The following CDH18 variants were observed in gnomAD, a reference collection of about 807,000 sequenced individuals.
CDH18 encodes cadherin 18.
CDH18 carries 31 observed loss-of-function variants against 67.9 expected under a neutral mutation model. The ratio of observed to expected loss-of-function variants is 0.46; its 90% CI spans 0.34 to 0.62. The LOEUF (loss-of-function observed/expected upper bound fraction) is 0.62, where lower values mean the gene tolerates loss of function less well. CDH18 is among the 20% of genes least tolerant of loss of function. The pLI is 0.01. For missense variants in CDH18, 890 were observed against 975.5 expected, an observed-to-expected ratio of 0.91 and a Z score of 1.17; for synonymous variants, 362 against 347.2, an observed-to-expected ratio of 1.04 and a Z score of -0.48.
At chr5:19,914,583 T>C (rs2150147447) in intron 2 of CDH18, among the ~76,000 whole-genome samples, 1 of 152,248 alleles carries the variant, frequency 6.6e-6, no homozygotes. Flanking sequence ...TGAGTGTATA[T>C]GTATATATCC....
chr5:19,885,005 T>A (rs1788049769), intron 2 of CDH18, among the ~76,000 whole-genome samples: 1 of 152,216 alleles, frequency 6.6e-6, no homozygotes, highest in South Asian at 2.1e-4. Flanking sequence ...GTTTGAGATG[T>A]TACGGCAGTT....
intron 6 of CDH18, among the ~76,000 whole-genome samples, chr5:19,598,977 G>A (rs961448458): frequency 6.6e-6 from 1 of 151,982 alleles, no homozygotes; most frequent in East Asian, 1.9e-4. Flanking sequence ...ATGAAAAATT[G>A]GAATAGACAA....
At chr5:19,953,174 A>G (rs1236497801) in intron 2 of CDH18, among the ~76,000 whole-genome samples, 11 of 152,114 alleles carry the variant, frequency 7.2e-5, no homozygotes, top group Admixed American at 7.2e-4. Context: ...ACTAGATCCT[A>G]AAGTCTAGAA....
At chr5:19,624,012 T>TATTATTATA (rs1751112113) in intron 5 of CDH18, among the ~76,000 whole-genome samples, 1 of 148,166 alleles carries the variant, frequency 6.7e-6, no homozygotes, top group Admixed American at 6.8e-5. Context: ...TTATTATTAT[T>TATTATTATA]ATTATTATTA....
At chr5:20,364,256 C>A (rs1407292114) in intron 1 of CDH18, among the ~76,000 whole-genome samples, 1 of 150,948 alleles carries the variant, frequency 6.6e-6, no homozygotes, top group East Asian at 1.9e-4. Context: ...TGTACAAGTA[C>A]ACACACAGAG....
intron 3 of CDH18, among the ~76,000 whole-genome samples, chr5:19,826,273 G>A (rs749409733): frequency 6.6e-6 from 1 of 152,090 alleles, no homozygotes; most frequent in African/African-American, 2.4e-5. Flanking sequence ...CTGAAAGAGA[G>A]GAAGAGAAAT....
intron 2 of CDH18, among the ~76,000 whole-genome samples, chr5:19,923,894 T>C (rs1340664027): frequency 6.6e-6 from 1 of 152,220 alleles, no homozygotes; most frequent in African/African-American, 2.4e-5. Flanking sequence ...TGTTCACCTC[T>C]TGTGGAAAAG....
chr5:20,157,746 G>T (rs1450548256), intron 2 of CDH18, among the ~76,000 whole-genome samples: 10 of 151,296 alleles, frequency 6.6e-5, no homozygotes, highest in Non-Finnish European at 1.3e-4. Flanking sequence ...GGATTCAAGT[G>T]ATTCTCCTGC....
At chr5:20,319,251 C>T (rs1321057479) in intron 1 of CDH18, among the ~76,000 whole-genome samples, 1 of 152,200 alleles carries the variant, frequency 6.6e-6, no homozygotes. Context: ...GAAGCTCTCC[C>T]TGTTTTACCA....
intron 1 of CDH18, chr5:20,255,647 A>C (rs1191884219): frequency 2.0e-5 from 3 of 152,134 alleles, no homozygotes; most frequent in Non-Finnish European, 4.4e-5. Flanking sequence ...AATTTTTGAG[A>C]AGTTTGAACT....
intron 1 of CDH18, among the ~76,000 whole-genome samples, chr5:19,983,512 G>A (rs551236304): frequency 6.6e-5 from 10 of 152,258 alleles, no homozygotes; most frequent in East Asian, 5.8e-4. Context: ...ATTGAAGGAC[G>A]TTGATTAAAG....
chr5:20,033,269 CTT>C (rs1404424987), intron 2 of CDH18, among the ~76,000 whole-genome samples: 2 of 151,840 alleles, frequency 1.3e-5, no homozygotes, highest in Non-Finnish European at 2.9e-5. Context: ...TCTATAACCT[CTT>C]TTTCATCTCA....
chr5:20,400,543 T>C (rs1223541216), intron 1 of CDH18, among the ~76,000 whole-genome samples: 1 of 151,292 alleles, frequency 6.6e-6, no homozygotes, highest in African/African-American at 2.4e-5. Context: ...GGTGGATCAC[T>C]TGAGGCCGGG....
intron 2 of CDH18, among the ~76,000 whole-genome samples, chr5:20,203,231 G>A (rs966448143): frequency 8.5e-5 from 13 of 152,066 alleles, no homozygotes; most frequent in Non-Finnish European, 1.6e-4. Flanking sequence ...GTTTCAATTC[G>A]TGGGAAGCAT....
Position 19,564,802 on chromosome 5 carries a change from A to C in CDH18, c.1253+6777T>G, listed in dbSNP as rs919694923. ...CGTTGGCTCAGAGGAGAGAAGTTCT[A>C]AACCTGCCCTGGGCTAGAGTGGAGC... On this transcript the variant is annotated intron_variant, in intron 8 of 12. Coordinates refer to ENST00000382275, the MANE Select transcript of CDH18 (RefSeq NM_004934.5). Among the ~76,000 whole-genome samples, 11 of 152,126 alleles carry C rather than the reference A, an allele frequency of 7.2e-5. No homozygotes were observed. In the East Asian group the frequency reaches 2.1e-3, roughly 29 times the overall value.
intron 3 of CDH18, among the ~76,000 whole-genome samples, chr5:19,749,773 G>C (rs1274196758): frequency 4.0e-5 from 6 of 150,970 alleles, no homozygotes; most frequent in Non-Finnish European, 5.9e-5. Flanking sequence ...TTTAAGACTT[G>C]AATCTGACTC....
chr5:20,329,080 G>C (rs752473623), intron 1 of CDH18, among the ~76,000 whole-genome samples: 1 of 152,148 alleles, frequency 6.6e-6, no homozygotes, highest in Non-Finnish European at 1.5e-5. Flanking sequence ...TTACAAGCAT[G>C]AACTGTTTTA....
At chr5:19,659,766 T>C (rs1756909146) in intron 5 of CDH18, among the ~76,000 whole-genome samples, 1 of 152,092 alleles carries the variant, frequency 6.6e-6, no homozygotes, top group African/African-American at 2.4e-5. Flanking sequence ...GGAAGCAGAG[T>C]ACTTGAGCAC....
chr5:19,593,954 T>A (rs1037105082), intron 6 of CDH18, among the ~76,000 whole-genome samples: 8 of 151,870 alleles, frequency 5.3e-5, no homozygotes, highest in Admixed American at 1.3e-4. Flanking sequence ...GATTTGCAGG[T>A]CATATCAGAT....
Sources: gnomAD v4.1 joint callset for allele counts (sites outside exome capture counted in the v4.1 genomes callset) on GRCh38, gnomAD v4.1.1 for gene constraint, MANE v1.5 for transcripts, NCBI Gene and HGNC (gene_info 2026-07-23, HGNC 2026-07-21) for gene names.